The following KCNJ15 variants were observed in gnomAD, a reference collection of about 807,000 sequenced individuals.
KCNJ15 encodes potassium inwardly rectifying channel subfamily J member 15.
Under a neutral mutation model 23.0 loss-of-function variants are expected in KCNJ15, and 14 were observed. The ratio of observed to expected loss-of-function variants is 0.61; its 90% CI spans 0.40 to 0.95. The LOEUF (loss-of-function observed/expected upper bound fraction) is 0.95. Ranked by LOEUF, KCNJ15 falls within the 40% of genes least tolerant of loss-of-function variation. The pLI is 0.00. For synonymous variants in KCNJ15, 185 were observed against 183.2 expected (o/e 1.01, Z -0.08); for missense variants, 388 against 461.8 (o/e 0.84, Z 1.46).
chr21:38,232,043 A>G (rs1978324369), intron 1 of KCNJ15, among the ~76,000 whole-genome samples: 1 of 151,698 alleles, frequency 6.6e-6, no homozygotes, highest in Non-Finnish European at 1.5e-5. Flanking sequence ...TGAATAAATA[A>G]TGATTCTTTA....
rs765831233 is a variant in KCNJ15, at chr21:38,239,468, T to G, written c.-398-17578T>G. Among the ~76,000 whole-genome samples the G allele has an allele frequency of 6.0e-4, 92 of 152,216 alleles. 1 individual carries two copies. The highest frequency in any genetic ancestry group is 1.8e-4 in the Non-Finnish European group (12 of 68,038). ...AAGCCTCTTCTGGGGTCCTGATTTA[T>G]TTTTATTTTTTCACTTTCTCCCCTT... On this transcript the variant is annotated intron_variant, in intron 1 of 4. Transcript: ENST00000547341.
chr21:38,236,949 T>A (rs1209428730), intron 1 of KCNJ15, among the ~76,000 whole-genome samples: 5 of 152,164 alleles, frequency 3.3e-5, no homozygotes, highest in East Asian at 1.9e-4. Context: ...GCAGACAGTC[T>A]ATGGGTGGGA....
At chr21:38,261,569 A>G (rs1186986675) in intron 1 of KCNJ15, among the ~76,000 whole-genome samples, 1 of 152,228 alleles carries the variant, frequency 6.6e-6, no homozygotes, top group African/African-American at 2.4e-5. Context: ...TGGAAAACCA[A>G]TCTTAATGCT....
chr21:38,238,531 G>A, intron 1 of KCNJ15: 2 of 639,280 alleles, frequency 3.1e-6, no homozygotes, highest in Non-Finnish European at 5.9e-6. Context: ...CTCCGGCAAT[G>A]CCACCGGGAC....
intron 1 of KCNJ15, among the ~76,000 whole-genome samples, chr21:38,276,802 A>G (rs980325114): frequency 6.6e-6 from 1 of 152,182 alleles, no homozygotes; most frequent in African/African-American, 2.4e-5. Flanking sequence ...TACTTTAAAA[A>G]TATTTTTTAA....
chr21:38,258,409 G>A (rs1304723259), intron 1 of KCNJ15, among the ~76,000 whole-genome samples: 2 of 152,188 alleles, frequency 1.3e-5, no homozygotes, highest in Non-Finnish European at 2.9e-5. Flanking sequence ...CTCACACACA[G>A]CTTCCCCGGG....
rs756694827 is a variant in KCNJ15, at chr21:38,299,442, A to G, written c.181A>G (p.Met61Val). ...AGACCTGTGGACCACAGTTATCGACATGAAGTGGAGATACAAACTCACCCT... is the reference window on the plus strand; with the variant it reads ...AGACCTGTGGACCACAGTTATCGACGTGAAGTGGAGATACAAACTCACCCT... ...LQDLWTTVIDMKWRYKLTLFA... is the reference protein window; with the variant it reads ...LQDLWTTVIDVKWRYKLTLFA... The change falls in exon 3 of 3, where the codon ATG becomes GTG. Residue 61 changes from methionine to valine, a missense_variant. By Grantham distance (21) the Met-to-Val change is conservative. Transcript: ENST00000398938. This position sits in a 1 kb window ranked among gnomAD's most constrained non-coding sequence, Gnocchi z 4.5. 4 of 1,614,080 alleles carry G rather than the reference A, an allele frequency of 2.5e-6. No individual in the cohort carries two copies. Among genetic ancestry groups the G allele is most frequent in the African/African-American group, 1.3e-5 (1 of 74,946 alleles).
chr21:38,305,346 G>C lies in KCNJ15; in HGVS notation c.*4957G>C, dbSNP rs1304221520. The C allele has an allele frequency of 6.6e-6, 1 of 152,124 alleles. No homozygotes were observed. Among genetic ancestry groups the C allele is most frequent in the African/African-American group, 2.4e-5 (1 of 41,410 alleles). The allele number at this position is 152,124 out of a possible 1,614,324, so 9.4% of individuals were successfully genotyped here. A position where few individuals can be genotyped will look rare whatever the true frequency, so the allele number is the denominator to read the frequency against. ...ACATTCAGATATCCACATATTTGAG[G>C]GCAGGAATTTTTACTTTTCAATTGG... On this transcript the variant is annotated 3_prime_UTR_variant, in exon 3 of 3. Transcript: ENST00000398938.
chr21:38,256,378 A>ATATATATATATATG (rs1555882101), upstream of KCNJ15, among the ~76,000 whole-genome samples: 2 of 143,618 alleles, frequency 1.4e-5, no homozygotes, highest in African/African-American at 5.5e-5. Flanking sequence ...ATATATATAT[A>ATATATATATATATG]TAATATTTAT....
chr21:38,232,799 G>A (rs1978359813), intron 1 of KCNJ15, among the ~76,000 whole-genome samples: 1 of 151,800 alleles, frequency 6.6e-6, no homozygotes, highest in East Asian at 1.9e-4. Context: ...TGATTCCAAT[G>A]TCATTGGAGA....
chr21:38,259,762 C>A (rs755588558), intron 1 of KCNJ15, among the ~76,000 whole-genome samples: 6 of 152,120 alleles, frequency 3.9e-5, no homozygotes, highest in Non-Finnish European at 7.4e-5. Context: ...AAGTCTGGAT[C>A]TAGAACAAAG....
intron 1 of KCNJ15, among the ~76,000 whole-genome samples, chr21:38,285,855 C>G (rs1983829850): frequency 6.6e-6 from 1 of 152,148 alleles, no homozygotes; most frequent in Non-Finnish European, 1.5e-5. Flanking sequence ...AATTAGTACT[C>G]TAGATGAGTA....
intron 1 of KCNJ15, among the ~76,000 whole-genome samples, chr21:38,287,503 T>C (rs988340172): frequency 6.6e-6 from 1 of 152,256 alleles, no homozygotes; most frequent in Non-Finnish European, 1.5e-5. Context: ...ATGTAAATAG[T>C]ACATATGTAT....
rs1044904146 is a variant in KCNJ15 at position 38,304,504 on chromosome 21, G to A, written c.*4115G>A. 5.9e-5 allele frequency: 9 copies of A among 151,410 alleles called. 1 individual carries two copies. The highest frequency in any genetic ancestry group is 1.2e-4 in the Non-Finnish European group (8 of 67,882). The allele number at this position is 151,410 out of a possible 1,614,324, so 9.4% of individuals were successfully genotyped here. ...TTTCCAAGTTTTGTGGTGTGCACTC[G>A]AAATCTAGTCTCTGATTGTTAAACT... On this transcript the variant is annotated 3_prime_UTR_variant, in exon 3 of 3. Transcript: ENST00000398938.
chr21:38,249,497 A>G (rs1051869873), intron 1 of KCNJ15, among the ~76,000 whole-genome samples: 28 of 152,208 alleles, frequency 1.8e-4, no homozygotes, highest in African/African-American at 3.4e-4. Context: ...AGAATGGATG[A>G]CAGATAGGAA....
Position 38,300,182 on chromosome 21 carries a change from G to A in KCNJ15, c.921G>A (p.Trp307Ter). The change falls in exon 3 of 3, where the codon TGG becomes TGA. Residue 307 changes from tryptophan to a stop codon, truncating the protein, a stop_gained. Transcript: ENST00000398938. LOFTEE classifies it high-confidence loss of function. Reference protein sequence around the residue: ...RTSYIPEEIYWGFEFVPVVSL... With the variant: ...RTSYIPEEIY ...CTTATATCCCAGAGGAAATCTACTG[G>A]GGTTTTGAGTTTGTGCCTGTGGTAT... 1 of 1,614,126 alleles carries A rather than the reference G, an allele frequency of 6.2e-7. No homozygotes were observed.
intron 1 of KCNJ15, among the ~76,000 whole-genome samples, chr21:38,274,729 A>G (rs1350560179): frequency 2.0e-5 from 3 of 152,060 alleles, no homozygotes; most frequent in African/African-American, 7.2e-5. Context: ...CCTTCTTGAA[A>G]TCTTGCCTTC....
At chr21:38,256,360 T>TTATA (rs56679003), upstream of KCNJ15, among the ~76,000 whole-genome samples, 50 of 106,232 alleles carry the variant, frequency 4.7e-4, 2 homozygotes, top group African/African-American at 1.2e-3. Flanking sequence ...TCTATTCAGC[T>TTATA]TATATATATA....
chr21:38,238,511 C>A, intron 1 of KCNJ15: 1 of 642,748 alleles, frequency 1.6e-6, no homozygotes. Context: ...GCTGAGAGGG[C>A]ACGGACCATC....
Sources: gnomAD v4.1 joint callset for allele counts (sites outside exome capture counted in the v4.1 genomes callset) on GRCh38, gnomAD v4.1.1 for gene constraint, Gnocchi (gnomAD v3.1) non-coding constraint, MANE v1.5 for transcripts, NCBI Gene and HGNC (gene_info 2026-07-23, HGNC 2026-07-21) for gene names.